The following DEPDC5 variants were observed in gnomAD, a reference collection of about 807,000 sequenced individuals.
DEPDC5 encodes GATOR1 complex protein DEPDC5.
Under a neutral mutation model 217.3 loss-of-function variants are expected in DEPDC5, and 73 were observed. That is an observed-to-expected ratio of 0.34 (90% CI 0.28 to 0.41). The LOEUF is 0.41. DEPDC5 is among the 10% of genes least tolerant of loss of function. DEPDC5 has a pLI of 1.00. For synonymous variants in DEPDC5, 733 were observed against 756.7 expected, an observed-to-expected ratio of 0.97 and a Z score of 0.51; for missense variants, 1,675 against 2,070.1, an observed-to-expected ratio of 0.81 and a Z score of 3.70.
intron 38 of DEPDC5, among the ~76,000 whole-genome samples, chr22:31,890,611 A>G (rs2093420304): frequency 6.6e-6 from 1 of 152,078 alleles, no homozygotes; most frequent in Admixed American, 6.5e-5. Flanking sequence ...TGGGAGGCTG[A>G]GACACAAGAA....
At chr22:31,759,224 A>G (rs574930046) in intron 3 of DEPDC5, among the ~76,000 whole-genome samples, 1 of 151,792 alleles carries the variant, frequency 6.6e-6, no homozygotes, top group South Asian at 2.1e-4. Context: ...GAGGCACCGC[A>G]CCTGGCCTAA....
At chr22:31,876,060 G>A in intron 36 of DEPDC5, 97 bp from the exon 37 acceptor site, 2 of 1,023,094 alleles carry the variant, frequency 2.0e-6, no homozygotes, top group Non-Finnish European at 3.0e-6. Context: ...GGTCTCCTCA[G>A]TGCTCCTGTC....
At chr22:31,852,091 G>C (rs1393846569) in intron 31 of DEPDC5, among the ~76,000 whole-genome samples, 1 of 152,136 alleles carries the variant, frequency 6.6e-6, no homozygotes, top group Non-Finnish European at 1.5e-5. Context: ...CTGGGAGGTT[G>C]AGGCTAGGCT....
At chr22:31,881,291 C>CAAA (rs67347332) in intron 38 of DEPDC5, among the ~76,000 whole-genome samples, 53 of 107,212 alleles carry the variant, frequency 4.9e-4, no homozygotes, top group African/African-American at 9.7e-4. Context: ...CTCCATCTCT[C>CAAA]AAAAAAAAAA....
rs2083045234 is a variant in DEPDC5 at position 31,768,731 on chromosome 22, T to C, written c.364-83T>C. 73 of 1,234,908 alleles carry C rather than the reference T, an allele frequency of 5.9e-5. No individual in the cohort carries two copies. In the South Asian group the frequency reaches 9.1e-4, roughly 15 times the overall value. The allele number at this position is 1,234,908 out of a possible 1,614,324, so 76.5% of individuals were successfully genotyped here. ...TTCTTGTTTGTGATTTTTCATGGCC[T>C]TAATATGTTAATCAATCTCTCTCTC... On this transcript the variant is annotated intron_variant, in intron 6 of 42. Coordinates refer to ENST00000651528, the MANE Select transcript of DEPDC5 (RefSeq NM_001242896.3).
intron 38 of DEPDC5, chr22:31,879,993 G>C (rs1293183991): frequency 2.3e-5 from 12 of 513,348 alleles, no homozygotes; most frequent in Non-Finnish European, 3.9e-5. Context: ...CATAGTGCCA[G>C]ACCTGTTCGG....
chr22:31,799,032 T>G (rs114028517), intron 14 of DEPDC5, among the ~76,000 whole-genome samples: 3,723 of 151,542 alleles, frequency 0.025, 59 homozygotes, highest in African/African-American at 0.041. Flanking sequence ...TTATTATCTT[T>G]AAAGCAAACT....
intron 32 of DEPDC5, among the ~76,000 whole-genome samples, chr22:31,859,220 A>G (rs1344535928): frequency 6.7e-6 from 1 of 148,836 alleles, no homozygotes; most frequent in Non-Finnish European, 1.5e-5. Flanking sequence ...CCTCCCAAGT[A>G]GCTGGGACTA....
At chr22:31,905,442 C>T (rs2093739028) in intron 41 of DEPDC5, among the ~76,000 whole-genome samples, 1 of 151,720 alleles carries the variant, frequency 6.6e-6, no homozygotes, top group Non-Finnish European at 1.5e-5. Flanking sequence ...CATGCCATTG[C>T]ACTCCAGTCT....
intron 33 of DEPDC5, among the ~76,000 whole-genome samples, chr22:31,862,134 C>G (rs938322439): frequency 2.0e-4 from 30 of 152,054 alleles, no homozygotes; most frequent in Admixed American, 9.8e-4. Flanking sequence ...CCCAGCTACT[C>G]GGGAGGCTGA....
intron 34 of DEPDC5, 45 bp downstream of exon 34, chr22:31,870,789 C>A: frequency 6.8e-7 from 1 of 1,462,908 alleles, no homozygotes; most frequent in Non-Finnish European, 9.1e-7. Flanking sequence ...GGAGTGGGGA[C>A]AGTCTGATCT....
At chr22:31,842,052 G>T (rs1450007826) in intron 27 of DEPDC5, among the ~76,000 whole-genome samples, 1 of 152,226 alleles carries the variant, frequency 6.6e-6, no homozygotes, top group Admixed American at 6.5e-5. Flanking sequence ...TACTGGACAT[G>T]GCACTTTATC....
chr22:31,832,193 T>G (rs2090654252), intron 24 of DEPDC5, among the ~76,000 whole-genome samples: 2 of 152,274 alleles, frequency 1.3e-5, no homozygotes, highest in Admixed American at 1.3e-4. Flanking sequence ...AATTGGGCTG[T>G]TTCCAGGTTT....
intron 8 of DEPDC5, among the ~76,000 whole-genome samples, chr22:31,780,492 A>G (rs2084314773): frequency 6.6e-6 from 1 of 152,088 alleles, no homozygotes; most frequent in Non-Finnish European, 1.5e-5. Context: ...GTTGTTCCCC[A>G]CTGCCCCCCA....
At chr22:31,768,002 C>T (rs1336288722) in intron 6 of DEPDC5, among the ~76,000 whole-genome samples, 1 of 151,994 alleles carries the variant, frequency 6.6e-6, no homozygotes, top group Admixed American at 6.6e-5. Context: ...ATCTCGGCCT[C>T]CCAAAGTGCT....
intron 31 of DEPDC5, among the ~76,000 whole-genome samples, chr22:31,851,685 G>A (rs1049746832): frequency 6.6e-6 from 1 of 152,206 alleles, no homozygotes; most frequent in Non-Finnish European, 1.5e-5. Context: ...TGTGAGGTGA[G>A]CATGTTAGGG....
chr22:31,791,095 G>C (rs762968263), intron 10 of DEPDC5, among the ~76,000 whole-genome samples: 1 of 152,004 alleles, frequency 6.6e-6, no homozygotes, highest in Non-Finnish European at 1.5e-5. Flanking sequence ...GCCTGGTGAC[G>C]CGTGTCTGTA....
At chr22:31,833,020 A>G (rs984193197) in intron 24 of DEPDC5, among the ~76,000 whole-genome samples, 1 of 152,134 alleles carries the variant, frequency 6.6e-6, no homozygotes, top group African/African-American at 2.4e-5. Context: ...GCCACCGTTG[A>G]ATGTTTAGTG....
chr22:31,803,787 A>T (rs1181714430), intron 15 of DEPDC5, among the ~76,000 whole-genome samples: 1 of 152,116 alleles, frequency 6.6e-6, no homozygotes, highest in East Asian at 1.9e-4. Context: ...ATGCCACTAA[A>T]GAAGCTCTGT....
Sources: gnomAD v4.1 joint callset for allele counts (sites outside exome capture counted in the v4.1 genomes callset) on GRCh38, gnomAD v4.1.1 for gene constraint, MANE v1.5 for transcripts, NCBI Gene and HGNC (gene_info 2026-07-23, HGNC 2026-07-21) for gene names.